Variants in GGNBP2 observed in about 807,000 individuals in gnomAD.
GGNBP2 encodes the protein gametogenetin-binding protein 2.
A neutral mutation model predicts 85.9 loss-of-function variants in GGNBP2; 10 were observed. The observed-to-expected ratio is 0.12, with a 90% confidence interval of 0.07 to 0.20. GGNBP2 has a LOEUF of 0.20. GGNBP2 is among the 10% of genes least tolerant of loss of function. The pLI is 1.00. For synonymous variants in GGNBP2, 287 were observed against 285.7 expected (o/e 1.00, Z -0.05); for missense variants, 595 against 857.8 (o/e 0.69, Z 3.83).
chr17:36,575,074 C>T, intron 6 of GGNBP2: 1 of 985,072 alleles, frequency 1.0e-6, no homozygotes, highest in Admixed American at 1.9e-5. Flanking sequence ...TCTCAGATTC[C>T]TTCATGGGCA....
At position 36,585,261 on chromosome 17, in the gene GGNBP2, G is replaced by A. The variant is rs1428884767; in HGVS notation, c.1216-39G>A. ...GGGAATAAAATGTAGCTGTTATGGAGTAAAGCTCTTGACTCTCTCTTAATG... is the reference window on the plus strand; with the variant it reads ...GGGAATAAAATGTAGCTGTTATGGAATAAAGCTCTTGACTCTCTCTTAATG... On this transcript the variant is annotated intron_variant, in intron 9 of 13. Coordinates refer to ENST00000613102, the MANE Select transcript of GGNBP2 (RefSeq NM_024835.5). 5 of 1,572,122 alleles carry A rather than the reference G, an allele frequency of 3.2e-6. No individual in the cohort carries two copies. In the Middle Eastern group the frequency reaches 6.7e-4, roughly 210 times the overall value.
intron 13 of GGNBP2, chr17:36,587,543 T>C (rs375100591): frequency 3.2e-6 from 1 of 314,072 alleles, no homozygotes. Context: ...ATACTGCGAG[T>C]TGAAAATACA....
chr17:36,579,988 C>A (rs1241901770), intron 8 of GGNBP2, among the ~76,000 whole-genome samples: 3 of 151,582 alleles, frequency 2.0e-5, no homozygotes, highest in Non-Finnish European at 4.4e-5. Context: ...CCAGCCTGGG[C>A]AACAAGAACA....
chr17:36,545,755 G>A lies in GGNBP2; in HGVS notation c.31G>A (p.Gly11Arg). MARLVAVCRD[G>R]EEEFPFERRQ... ...GCGACTCGTGGCAGTGTGCAGGGAC[G>A]GGGAGGAGGAGTTCCCCTTCGAGAG... The change falls in exon 2 of 14, where the codon GGG (glycine) becomes AGG (arginine). Residue 11 changes from glycine to arginine, a missense_variant. Gly to Arg is a moderately radical substitution (Grantham distance 125, BLOSUM62 -2). Transcript: ENST00000613102. The A allele has an allele frequency of 6.3e-7, 1 of 1,583,312 alleles. No individual in the cohort carries two copies. The highest frequency in any genetic ancestry group is 8.6e-7 in the Non-Finnish European group (1 of 1,165,338).
At chr17:36,568,124 C>A (rs2074486553) in intron 6 of GGNBP2, among the ~76,000 whole-genome samples, 2 of 152,036 alleles carry the variant, frequency 1.3e-5, no homozygotes, top group African/African-American at 4.8e-5. Flanking sequence ...TGGGGTTTCA[C>A]CATGTTGGCC....
intron 7 of GGNBP2, 95 bp downstream of exon 7, chr17:36,578,281 A>G (rs2074611543): frequency 4.5e-6 from 4 of 894,788 alleles, no homozygotes; most frequent in South Asian, 1.7e-5. Context: ...CTCAGTACAT[A>G]TGATATATGT....
In GGNBP2 at chr17:36,544,924, C is replaced by T. The variant is rs2074232964; in HGVS notation, c.-280C>T. ...GTCCCCCGCCCTCCTTCTTCCACTC[C>T]CCGCGGCGCGAGCGGCTGACTGCCC... On this transcript the variant is annotated 5_prime_UTR_variant, in exon 1 of 14. Transcript: ENST00000613102. The T allele has an allele frequency of 6.5e-6, 1 of 152,712 alleles. No homozygotes were observed. The highest frequency in any genetic ancestry group is 2.4e-5 in the African/African-American group (1 of 41,460). The allele number at this position is 152,712 out of a possible 1,614,324, so 9.5% of individuals were successfully genotyped here.
chr17:36,571,190 T>G (rs988690173), intron 6 of GGNBP2, among the ~76,000 whole-genome samples: 1 of 152,160 alleles, frequency 6.6e-6, no homozygotes, highest in South Asian at 2.1e-4. Flanking sequence ...TCCAACACTT[T>G]GGGAAGCCAA....
intron 2 of GGNBP2, chr17:36,546,119 G>A (rs897426595): frequency 1.1e-5 from 5 of 435,604 alleles, no homozygotes; most frequent in African/African-American, 1.0e-4. Context: ...ACATCTCAGA[G>A]AGGGGTTGAA....
rs139082218 is a variant in GGNBP2, at chr17:36,587,194, G to A, written c.1839G>A (p.Thr613=). Residue 613 remains threonine (T), a synonymous_variant, in exon 13 of 14, where the codon ACG becomes ACA. Coordinates refer to ENST00000613102, the MANE Select transcript of GGNBP2 (RefSeq NM_024835.5). ...NVPQFAEPTE[T]LFGPDSGKGA... ...CACAGTTTGCAGAACCTACAGAAAC[G>A]TTGTTTGGTCCCGATTCCGGAAAAG... The A allele has an allele frequency of 8.0e-5, 129 of 1,614,120 alleles. No individual in the cohort carries two copies. The African/African-American group carries it at 1.0e-3, about 13-fold the overall frequency.
chr17:36,562,049 A>T (rs894971930), intron 5 of GGNBP2, among the ~76,000 whole-genome samples: 1 of 152,200 alleles, frequency 6.6e-6, no homozygotes, highest in East Asian at 1.9e-4. Context: ...CCCCTACAAA[A>T]TTGCCTGGGG....
At chr17:36,548,431 A>T (rs928882828) in intron 2 of GGNBP2, among the ~76,000 whole-genome samples, 2 of 150,820 alleles carry the variant, frequency 1.3e-5, no homozygotes, top group Non-Finnish European at 3.0e-5. Context: ...CCTGGCCAAC[A>T]TGGCAAAACC....
intron 9 of GGNBP2, 66 bp downstream of exon 9, chr17:36,581,604 G>C (rs1259932694): frequency 8.0e-7 from 1 of 1,245,640 alleles, no homozygotes; most frequent in African/African-American, 1.5e-5. Context: ...TACAGGCCAG[G>C]TGTGGTGGCT....
In GGNBP2 at chr17:36,545,626, C is replaced by G. The variant is rs1040896844; in HGVS notation, c.-99C>G. 1.9e-5 allele frequency: 17 copies of G among 907,748 alleles called. No homozygotes were observed. In the African/African-American group the frequency reaches 2.5e-4, roughly 13 times the overall value. 56.2% of individuals were successfully genotyped at this position (907,748 alleles called of 1,614,324 possible). ...GGGGTTTGGCTGTTGCAGGCAGGAG[C>G]TGGGAGGAGGCGGCAGCGGCGGCGG... On this transcript the variant is annotated 5_prime_UTR_variant, in exon 2 of 14. Coordinates refer to ENST00000613102, the MANE Select transcript of GGNBP2 (RefSeq NM_024835.5).
chr17:36,560,472 A>G (rs960257664), intron 4 of GGNBP2, among the ~76,000 whole-genome samples: 5 of 152,188 alleles, frequency 3.3e-5, no homozygotes, highest in African/African-American at 9.6e-5. Context: ...GCTGGTCTCA[A>G]ACCCTTGGGC....
intron 2 of GGNBP2, among the ~76,000 whole-genome samples, chr17:36,548,906 CT>C (rs1260589364): frequency 1.3e-5 from 2 of 151,842 alleles, no homozygotes; most frequent in African/African-American, 4.8e-5. Context: ...GATTGCGCCA[CT>C]GCACTCCAGC....
intron 6 of GGNBP2, among the ~76,000 whole-genome samples, chr17:36,575,648 A>ATATATATATATATT (rs374366757): frequency 4.0e-4 from 22 of 54,908 alleles, no homozygotes; most frequent in African/African-American, 1.2e-3. Flanking sequence ...ATATATATAT[A>ATATATATATATATT]TTTTTTTTTT....
chr17:36,588,187 G>C (rs146720621), intron 13 of GGNBP2, among the ~76,000 whole-genome samples: 164 of 152,340 alleles, frequency 1.1e-3, no homozygotes, highest in East Asian at 9.2e-3. Flanking sequence ...CCTTGGAGGA[G>C]GGGAGGAAGA....
At chr17:36,571,600 G>A (rs1345383104) in intron 6 of GGNBP2, among the ~76,000 whole-genome samples, 4 of 152,064 alleles carry the variant, frequency 2.6e-5, no homozygotes, top group Non-Finnish European at 5.9e-5. Context: ...CCAGCACTTT[G>A]GGAGGCCGAG....
Sources: gnomAD v4.1 joint callset for allele counts (sites outside exome capture counted in the v4.1 genomes callset) on GRCh38, gnomAD v4.1.1 for gene constraint, MANE v1.5 for transcripts, NCBI Gene and HGNC (gene_info 2026-07-23, HGNC 2026-07-21) for gene names.